The following PPP1R1C variants were observed in gnomAD, a reference collection of about 807,000 sequenced individuals.
PPP1R1C encodes protein phosphatase 1 regulatory subunit 1C.
In PPP1R1C, 15 loss-of-function variants were observed where a neutral mutation model predicts 17.4. The ratio of observed to expected loss-of-function variants is 0.86; its 90% confidence interval spans 0.58 to 1.33. PPP1R1C has a LOEUF of 1.33. PPP1R1C is among the 40% of genes most tolerant of loss of function. The probability of loss-of-function intolerance (pLI) is 0.00; values close to 1 mark genes in which losing one functional copy is unlikely to be tolerated. For synonymous variants in PPP1R1C, 35 were observed against 43.1 expected, an observed-to-expected ratio of 0.81 and a Z score of 0.73; for missense variants, 143 against 130.0, an observed-to-expected ratio of 1.10 and a Z score of -0.48.
At chr2:182,055,087 T>A (rs1359378712) in intron 2 of PPP1R1C, among the ~76,000 whole-genome samples, 6 of 152,076 alleles carry the variant, frequency 3.9e-5, no homozygotes, top group South Asian at 4.2e-4. Flanking sequence ...GTTTTTTTTT[T>A]ATCTTTGCCT....
chr2:182,114,402 T>TGGG (rs145425958), intron 4 of PPP1R1C, among the ~76,000 whole-genome samples: 3 of 151,956 alleles, frequency 2.0e-5, no homozygotes, highest in Admixed American at 6.6e-5. Flanking sequence ...AAACATCAAA[T>TGGG]GGGGGTTTAA....
chr2:182,106,565 C>T (rs551002882), intron 4 of PPP1R1C, among the ~76,000 whole-genome samples: 6 of 152,286 alleles, frequency 3.9e-5, no homozygotes, highest in South Asian at 2.1e-4. Context: ...CTGAGAGCTA[C>T]CTCCACCACT....
intron 4 of PPP1R1C, among the ~76,000 whole-genome samples, chr2:182,083,613 G>C (rs1688543750): frequency 1.3e-5 from 2 of 152,016 alleles, no homozygotes; most frequent in African/African-American, 2.4e-5. Flanking sequence ...TAATGCCTGA[G>C]TAGTATTCTA....
At chr2:182,104,377 AGTG>A (rs1198501610) in intron 4 of PPP1R1C, among the ~76,000 whole-genome samples, 1 of 152,090 alleles carries the variant, frequency 6.6e-6, no homozygotes, top group Non-Finnish European at 1.5e-5. Flanking sequence ...TAATTTGTTA[AGTG>A]GTTTTATCAT....
At chr2:182,085,468 G>A (rs58214141) in intron 4 of PPP1R1C, among the ~76,000 whole-genome samples, 5,696 of 152,120 alleles carry the variant, frequency 0.037, 355 homozygotes, top group African/African-American at 0.13. Context: ...TTTATCAAAA[G>A]TATAAGTAGC....
chr2:182,023,996 A>G (rs1686513661), intron 2 of PPP1R1C: 1 of 152,114 alleles, frequency 6.6e-6, no homozygotes, highest in Admixed American at 6.6e-5. Context: ...TCCTTCTCAT[A>G]ATAGCGCTAA....
Position 182,117,373 on chromosome 2 carries a change from G to A in PPP1R1C, c.*78G>A, listed in dbSNP as rs1689619853. The A allele has an allele frequency of 1.2e-5, 12 of 1,041,154 alleles. No homozygotes were observed. The East Asian group carries it at 3.1e-4, about 27-fold the overall frequency. 64.5% of individuals were successfully genotyped at this position (1,041,154 alleles called of 1,614,324 possible). Reference sequence around the variant, plus strand: ...TCTGAGTATACCATGGAATTCCACTGCTTGACTTCCAGAAGCATCCTCCAT... The same window carrying A: ...TCTGAGTATACCATGGAATTCCACTACTTGACTTCCAGAAGCATCCTCCAT... On this transcript the variant is annotated 3_prime_UTR_variant, in exon 5 of 5. Coordinates refer to ENST00000682840, the MANE Select transcript of PPP1R1C (RefSeq NM_001080545.3).
chr2:182,044,417 G>A (rs899963873), intron 2 of PPP1R1C, among the ~76,000 whole-genome samples: 25 of 152,010 alleles, frequency 1.6e-4, no homozygotes, highest in South Asian at 6.2e-4. Flanking sequence ...TCTAAAAAAC[G>A]TCATGCTCTC....
chr2:181,961,366 T>C lies in PPP1R1C; in HGVS notation n.111+6732T>C. 1 of 716,390 alleles carries C rather than the reference T, an allele frequency of 1.4e-6. No homozygotes were observed. The highest frequency in any genetic ancestry group is 2.5e-6 in the Non-Finnish European group (1 of 394,946). 44.4% of individuals were successfully genotyped at this position (716,390 alleles called of 1,614,324 possible). On this transcript the variant is annotated intron_variant and non_coding_transcript_variant, in intron 1 of 5. Transcript: ENST00000464264. This position sits in a 1 kb window ranked among gnomAD's most constrained non-coding sequence, Gnocchi z 5.8. ...GTAGGTGGCGCTCTCAGCCTCCAGC[T>C]TGACCTTGATGTTCAGCAGAGCCTC...
Position 182,015,163 on chromosome 2 carries a change from A to G in PPP1R1C, c.142+27264A>G, listed in dbSNP as rs552621610. Among the ~76,000 whole-genome samples the G allele has an allele frequency of 3.3e-3, 503 of 152,220 alleles. 2 individuals carry two copies. Among genetic ancestry groups the G allele is most frequent in the Non-Finnish European group, 5.3e-3 (362 of 68,002 alleles). On this transcript the variant is annotated intron_variant, in intron 2 of 4. Coordinates refer to ENST00000682840, the MANE Select transcript of PPP1R1C (RefSeq NM_001080545.3). ...TATCCCCACCCAAATCTCATCTTGAATTGTAGCTTCCATAATTCCCATATG... is the reference window on the plus strand; with the variant it reads ...TATCCCCACCCAAATCTCATCTTGAGTTGTAGCTTCCATAATTCCCATATG...
chr2:182,085,574 G>C (rs940396802), intron 4 of PPP1R1C, among the ~76,000 whole-genome samples: 7 of 152,060 alleles, frequency 4.6e-5, no homozygotes, highest in Non-Finnish European at 7.4e-5. Flanking sequence ...ATTTACTTTA[G>C]ACAAAATGGG....
intron 2 of PPP1R1C, among the ~76,000 whole-genome samples, chr2:182,031,585 A>T (rs1686840542): frequency 2.0e-5 from 3 of 152,190 alleles, no homozygotes; most frequent in African/African-American, 2.4e-5. Flanking sequence ...GAGAAATCAA[A>T]AGCCTTGCTG....
chr2:182,039,316 C>T (rs1203054114), intron 2 of PPP1R1C, among the ~76,000 whole-genome samples: 1 of 152,098 alleles, frequency 6.6e-6, no homozygotes, highest in Non-Finnish European at 1.5e-5. Context: ...CTGCTCAAAC[C>T]AGCTTCCTGT....
chr2:182,098,109 CAATT>C (rs1051606489), intron 4 of PPP1R1C, among the ~76,000 whole-genome samples: 2 of 152,010 alleles, frequency 1.3e-5, no homozygotes, highest in African/African-American at 4.8e-5. Flanking sequence ...TCCTAGATGA[CAATT>C]GATAACAGAC....
chr2:182,106,771 A>C (rs1689265939), intron 4 of PPP1R1C, among the ~76,000 whole-genome samples: 1 of 152,186 alleles, frequency 6.6e-6, no homozygotes, highest in Non-Finnish European at 1.5e-5. Flanking sequence ...AAACTAAAAA[A>C]GCACACTGTA....
chr2:182,090,544 AC>A (rs1276305963), intron 4 of PPP1R1C, among the ~76,000 whole-genome samples: 1 of 152,112 alleles, frequency 6.6e-6, no homozygotes, highest in Non-Finnish European at 1.5e-5. Context: ...AGCATTTAAA[AC>A]CTTTAATGAC....
At chr2:182,038,154 C>T (rs942261587) in intron 2 of PPP1R1C, among the ~76,000 whole-genome samples, 2 of 152,106 alleles carry the variant, frequency 1.3e-5, no homozygotes, top group African/African-American at 2.4e-5. Context: ...CCTTCCACCT[C>T]AGTCTCCCAA....
Position 182,043,645 on chromosome 2 carries a change from T to G in PPP1R1C, c.143-17797T>G, listed in dbSNP as rs543835080. Among the ~76,000 whole-genome samples the G allele has an allele frequency of 2.0e-5, 3 of 152,310 alleles. No individual in the cohort carries two copies. In the South Asian group the frequency reaches 6.2e-4, roughly 32 times the overall value. ...AACTTCATGCCTACCCTGAAGAGTA[T>G]GCTGACGTAAGTTGTATAGGTTACC... On this transcript the variant is annotated intron_variant, in intron 2 of 4. Coordinates refer to ENST00000682840, the MANE Select transcript of PPP1R1C (RefSeq NM_001080545.3).
chr2:182,035,021 T>G lies in PPP1R1C; in HGVS notation c.143-26421T>G, dbSNP rs79562538. 7.9e-3 allele frequency among the ~76,000 whole-genome samples: 1,206 copies of G among 152,314 alleles called. 19 individuals are homozygous for G. Among genetic ancestry groups the G allele is most frequent in the African/African-American group, 0.028 (1,151 of 41,564 alleles). On this transcript the variant is annotated intron_variant, in intron 2 of 4. Coordinates refer to ENST00000682840, the MANE Select transcript of PPP1R1C (RefSeq NM_001080545.3). The stretch of plus-strand genomic sequence containing the variant: ...GACTGTGTCTGATTGCACTTTTTAT[T>G]CCCAATACCTAGCCCAGTGCCTGGC...
Sources: gnomAD v4.1 joint callset for allele counts (sites outside exome capture counted in the v4.1 genomes callset) on GRCh38, gnomAD v4.1.1 for gene constraint, Gnocchi (gnomAD v3.1) non-coding constraint, MANE v1.5 for transcripts, NCBI Gene and HGNC (gene_info 2026-07-23, HGNC 2026-07-21) for gene names.